Variants in LPCAT3 observed in about 807,000 individuals in gnomAD.
The protein encoded by LPCAT3 is lysophosphatidylcholine acyltransferase 3.
A neutral mutation model predicts 63.4 loss-of-function variants in LPCAT3; 21 were observed. The ratio of observed to expected loss-of-function variants is 0.33; its 90% CI spans 0.23 to 0.48. LPCAT3 has a LOEUF of 0.48. Ranked by LOEUF, LPCAT3 falls within the 20% of genes least tolerant of loss-of-function variation. The probability of loss-of-function intolerance (pLI) is 0.99; values close to 1 mark genes in which losing one functional copy is unlikely to be tolerated. For synonymous variants in LPCAT3, 242 were observed against 227.5 expected, an observed-to-expected ratio of 1.06 and a Z score of -0.58; for missense variants, 451 against 590.6, an observed-to-expected ratio of 0.76 and a Z score of 2.45.
intron 1 of LPCAT3, chr12:7,001,601 G>A: frequency 2.3e-6 from 1 of 430,910 alleles, no homozygotes; most frequent in South Asian, 1.6e-5. Context: ...GGCCTGAGGA[G>A]GGCTGGGGCT....
intron 1 of LPCAT3, among the ~76,000 whole-genome samples, chr12:7,000,551 G>A (rs1946676204): frequency 8.3e-6 from 1 of 120,372 alleles, no homozygotes. Context: ...TCACGCCACT[G>A]CACTCCAGCC....
rs923751515 is a variant in LPCAT3, at chr12:6,987,464, A to G, written c.152-3925T>C. On this transcript the variant is annotated intron_variant, in intron 1 of 12. Transcript: ENST00000261407. This position sits in a 1 kb window ranked among gnomAD's most constrained non-coding sequence, Gnocchi z 4.1. ...CAAGTCTCATATATTTCACATGGGC[A>G]GAAATTTGGCAGAGACAGAACACCA... Among the ~76,000 whole-genome samples the G allele has an allele frequency of 6.6e-6, 1 of 152,244 alleles. No individual in the cohort carries two copies. Among genetic ancestry groups the G allele is most frequent in the Non-Finnish European group, 1.5e-5 (1 of 68,042 alleles).
At chr12:7,007,266 G>T (rs1029672672) in intron 1 of LPCAT3, among the ~76,000 whole-genome samples, 5 of 151,630 alleles carry the variant, frequency 3.3e-5, no homozygotes, top group African/African-American at 1.2e-4. Flanking sequence ...GGCCAGGCTG[G>T]TCTCAAACTC....
Position 6,977,425 on chromosome 12 carries a change from A to G in LPCAT3, c.1289T>C (p.Leu430Pro). The G allele has an allele frequency of 6.2e-7, 1 of 1,614,180 alleles. No homozygotes were observed. Among genetic ancestry groups the G allele is most frequent in the Non-Finnish European group, 8.5e-7 (1 of 1,180,032 alleles). ...GGCAGTCATGGAGTAACCCATGAAG[A>G]GCCAGTGGATGGTCTGTTGCACCAA... Reference protein sequence around the residue: ...YYLVQQTIHWLFMGYSMTAFC... With the variant: ...YYLVQQTIHWPFMGYSMTAFC... The change falls in exon 11 of 13, where the codon CTC (leucine) becomes CCC (proline). Residue 430 changes from leucine (L) to proline (P), a missense_variant. By Grantham distance (98) the Leu-to-Pro change is moderately conservative (BLOSUM62 -3). Around this residue, in one of 3 missense-constraint regions of LPCAT3, gnomAD observed 304 missense variants for 390.8 expected, o/e 0.78. Transcript: ENST00000261407. This position sits in a 1 kb window ranked among gnomAD's most constrained non-coding sequence, Gnocchi z 4.5.
At chr12:6,985,766 C>G (rs1292851037) in intron 1 of LPCAT3, among the ~76,000 whole-genome samples, 1 of 150,046 alleles carries the variant, frequency 6.7e-6, no homozygotes, top group Non-Finnish European at 1.5e-5. Context: ...CCAGGATCAA[C>G]TGGTGTTTTT....
intron 1 of LPCAT3, among the ~76,000 whole-genome samples, chr12:6,990,903 C>T (rs1591551270): frequency 8.4e-6 from 1 of 118,472 alleles, no homozygotes; most frequent in Admixed American, 1.0e-4. Flanking sequence ...GGCAACAGAG[C>T]GAGACTCCAA....
At chr12:6,991,965 G>A (rs1306443952) in intron 1 of LPCAT3, among the ~76,000 whole-genome samples, 1 of 152,026 alleles carries the variant, frequency 6.6e-6, no homozygotes, top group Non-Finnish European at 1.5e-5. Flanking sequence ...GCCAAGACGG[G>A]TAGATCACTT....
chr12:6,993,286 T>C (rs1468616989), intron 1 of LPCAT3, among the ~76,000 whole-genome samples: 6 of 151,772 alleles, frequency 4.0e-5, no homozygotes, highest in African/African-American at 1.5e-4. Context: ...AACAAAAAAT[T>C]AGCTGGGCGT....
chr12:6,981,272 G>T, intron 5 of LPCAT3, 90 bp from the exon 6 acceptor site: 2 of 1,070,036 alleles, frequency 1.9e-6, no homozygotes, highest in South Asian at 1.5e-5. Flanking sequence ...GTGCCCCACT[G>T]ACTGGGGTTC....
At chr12:6,988,762 C>T (rs1461266185) in intron 1 of LPCAT3, among the ~76,000 whole-genome samples, 1 of 152,150 alleles carries the variant, frequency 6.6e-6, no homozygotes, top group Non-Finnish European at 1.5e-5. Context: ...ATAAAATTCT[C>T]AGCTTGGAGA....
Position 7,018,348 on chromosome 12 carries a change from A to G in LPCAT3, c.77T>C (p.Leu26Pro). Residue 26 changes from leucine (L) to proline (P), a missense_variant, in exon 1 of 13, where the codon CTG becomes CCG. Physicochemically the swap from Leu to Pro is moderately conservative, Grantham distance 98 (BLOSUM62 -3). Around this residue, in one of 3 missense-constraint regions of LPCAT3, gnomAD observed 133 missense variants for 152.1 expected, o/e 0.87. Coordinates refer to ENST00000261407, the MANE Select transcript of LPCAT3 (RefSeq NM_005768.6). The surrounding 1 kb of genome is among the most constrained non-coding windows in gnomAD (Gnocchi z 4.9). ...GGACGTCGCCAACTTGTTAAGGCTC[A>G]GCTCCTGGAAACCCGACTGCAGAAC... ...AGVLQSGFQE[L>P]SLNKLATSLG... 6.2e-7 allele frequency: 1 copy of G among 1,612,074 alleles called. No homozygotes were observed.
At chr12:7,007,583 C>G (rs1333466394) in intron 1 of LPCAT3, among the ~76,000 whole-genome samples, 1 of 151,306 alleles carries the variant, frequency 6.6e-6, no homozygotes, top group East Asian at 1.9e-4. Flanking sequence ...CAACCTCCCC[C>G]TCCCAGGTTC....
intron 1 of LPCAT3, among the ~76,000 whole-genome samples, chr12:6,988,774 T>C (rs1946555467): frequency 6.6e-6 from 1 of 152,092 alleles, no homozygotes; most frequent in South Asian, 2.1e-4. Context: ...GCTTGGAGAT[T>C]GGGGTTGATG....
chr12:7,012,434 A>G (rs1946769225), intron 1 of LPCAT3, among the ~76,000 whole-genome samples: 1 of 152,202 alleles, frequency 6.6e-6, no homozygotes, highest in African/African-American at 2.4e-5. Flanking sequence ...GGAGATCTTA[A>G]CAGCACTATA....
chr12:6,999,027 A>G (rs1251228481), intron 1 of LPCAT3, among the ~76,000 whole-genome samples: 19 of 152,230 alleles, frequency 1.2e-4, no homozygotes, highest in Non-Finnish European at 2.6e-4. Context: ...ACTAATAACC[A>G]GCTGTGTGCT....
chr12:6,986,761 C>T (rs1946530198), intron 1 of LPCAT3, among the ~76,000 whole-genome samples: 1 of 139,626 alleles, frequency 7.2e-6, no homozygotes, highest in Admixed American at 7.6e-5. Context: ...AGAGCCACTG[C>T]ACTCCAGCCT....
In LPCAT3 at chr12:7,000,647, A is replaced by G. The variant is rs973203366; in HGVS notation, c.152-17108T>C. On this transcript the variant is annotated intron_variant, in intron 1 of 12. Coordinates refer to ENST00000261407, the MANE Select transcript of LPCAT3 (RefSeq NM_005768.6). ...AAAGTAGCATACATGTACTTCCTTC[A>G]GGCCACTTAAAATACTTATGCATGT... Among the ~76,000 whole-genome samples the G allele has an allele frequency of 6.9e-3, 1,051 of 151,558 alleles. 6 individuals are homozygous for G. The highest frequency in any genetic ancestry group is 9.7e-3 in the Non-Finnish European group (662 of 67,936).
Position 6,983,403 on chromosome 12 carries a change from C to T in LPCAT3, c.259+29G>A, listed in dbSNP as rs782346689. Reference sequence around the variant, plus strand: ...GTTCCTTCCAGGTTCCCACTAATTGCGGTGTCACTGCTAATTTAGTTTACT... The same window carrying T: ...GTTCCTTCCAGGTTCCCACTAATTGTGGTGTCACTGCTAATTTAGTTTACT... On this transcript the variant is annotated intron_variant, in intron 2 of 12. Coordinates refer to ENST00000261407, the MANE Select transcript of LPCAT3 (RefSeq NM_005768.6). 27 of 1,426,408 alleles carry T rather than the reference C, an allele frequency of 1.9e-5. No individual in the cohort carries two copies. The East Asian group carries it at 2.5e-4, about 13-fold the overall frequency. 88.4% of individuals were successfully genotyped at this position (1,426,408 alleles called of 1,614,324 possible). A position where few individuals can be genotyped will look rare whatever the true frequency, so the allele number is the denominator to read the frequency against.
At chr12:7,000,802 G>T (rs1946679777) in intron 1 of LPCAT3, among the ~76,000 whole-genome samples, 2 of 151,504 alleles carry the variant, frequency 1.3e-5, no homozygotes, top group South Asian at 4.2e-4. Context: ...CGCCTCCCGG[G>T]TTCACGCCAT....
Sources: allele counts gnomAD v4.1 joint callset (sites outside exome capture counted in the v4.1 genomes callset), GRCh38; gene constraint gnomAD v4.1.1; regional missense constraint gnomAD v4.1.1; non-coding constraint Gnocchi (gnomAD v3.1); transcripts MANE v1.5; gene names NCBI Gene and HGNC (gene_info 2026-07-23, HGNC 2026-07-21).